NUP210L: variants seen among roughly 807,000 people sequenced by gnomAD.
NUP210L encodes nuclear pore membrane glycoprotein 210-like.
NUP210L carries 74 observed loss-of-function variants against 208.5 expected under a neutral mutation model. The observed-to-expected ratio is 0.35, with a 90% CI of 0.29 to 0.43. NUP210L has a LOEUF of 0.43. Ranked by LOEUF, NUP210L falls within the 20% of genes least tolerant of loss-of-function variation. The pLI, the probability that NUP210L is intolerant of heterozygous loss-of-function variation, is 1.00. For synonymous variants in NUP210L, 780 were observed against 816.9 expected (o/e 0.95, Z 0.77); for missense variants, 1,843 against 2,289.4 (o/e 0.81, Z 3.98).
At chr1:154,034,845 T>C (rs200170679) in intron 27 of NUP210L, among the ~76,000 whole-genome samples, 38 of 78,018 alleles carry the variant, frequency 4.9e-4, no homozygotes, top group South Asian at 1.4e-3. Flanking sequence ...CTCTCTCTCT[T>C]TTTTTTTTTT....
chr1:154,117,652 T>G (rs1657395302), intron 12 of NUP210L, 73 bp downstream of exon 12: 1 of 1,190,966 alleles, frequency 8.4e-7, no homozygotes, highest in Admixed American at 2.4e-5. Context: ...GCTCTTTTTT[T>G]AAAGTGTGTT....
intron 13 of NUP210L, 79 bp from the exon 14 acceptor site, chr1:154,100,222 G>A: frequency 7.4e-7 from 1 of 1,342,734 alleles, no homozygotes; most frequent in African/African-American, 1.4e-5. Flanking sequence ...GGCCAAGGCA[G>A]GAAGATTGCT....
intron 2 of NUP210L, among the ~76,000 whole-genome samples, chr1:154,143,956 C>A (rs969390372): frequency 3.9e-5 from 6 of 151,986 alleles, no homozygotes; most frequent in Non-Finnish European, 5.9e-5. Context: ...CTGAGGTGGG[C>A]AGATCACAAG....
At chr1:154,012,218 A>T (rs1378333698) in intron 34 of NUP210L, 26 bp downstream of exon 34, 1 of 1,607,966 alleles carries the variant, frequency 6.2e-7, no homozygotes, top group Non-Finnish European at 8.5e-7. Context: ...AGGAACAATC[A>T]CTGAAACCAT....
At chr1:154,041,170 A>T (rs1001691436) in intron 27 of NUP210L, among the ~76,000 whole-genome samples, 1 of 151,004 alleles carries the variant, frequency 6.6e-6, no homozygotes, top group Non-Finnish European at 1.5e-5. Context: ...TCATTATGTT[A>T]TCCAGGCTGG....
intron 30 of NUP210L, among the ~76,000 whole-genome samples, chr1:154,024,896 ACAAT>A (rs1651770224): frequency 6.7e-6 from 1 of 148,826 alleles, no homozygotes; most frequent in African/African-American, 2.5e-5. Context: ...TGCTAGGAAG[ACAAT>A]CATATAAATT....
chr1:154,006,969 T>A (rs867137837), intron 35 of NUP210L, among the ~76,000 whole-genome samples: 10,032 of 107,710 alleles, frequency 0.093, 527 homozygotes, highest in Non-Finnish European at 0.12. Flanking sequence ...TATATATATT[T>A]TTTTTTTTTT....
intron 25 of NUP210L, among the ~76,000 whole-genome samples, chr1:154,052,737 G>A (rs560957729): frequency 6.6e-5 from 10 of 152,224 alleles, no homozygotes; most frequent in South Asian, 2.1e-4. Flanking sequence ...AAACCTATTC[G>A]TAAACAGAAT....
intron 16 of NUP210L, among the ~76,000 whole-genome samples, chr1:154,078,397 C>G (rs769423751): frequency 6.6e-6 from 1 of 151,892 alleles, no homozygotes; most frequent in Non-Finnish European, 1.5e-5. Context: ...GAGTTCAAGA[C>G]CAGCCTGGCC....
chr1:154,071,836 C>T (rs187356926), intron 16 of NUP210L, among the ~76,000 whole-genome samples: 2 of 151,868 alleles, frequency 1.3e-5, no homozygotes, highest in African/African-American at 4.8e-5. Flanking sequence ...CGGGATTTCA[C>T]CATGTTAGCC....
At chr1:154,125,017 C>T (rs941464060) in intron 10 of NUP210L, among the ~76,000 whole-genome samples, 1 of 151,904 alleles carries the variant, frequency 6.6e-6, no homozygotes, top group African/African-American at 2.4e-5. Context: ...ATATGAAATA[C>T]ATCATGGCTG....
intron 21 of NUP210L, 34 bp from the exon 22 acceptor site, chr1:154,058,250 G>T (rs901626745): frequency 1.2e-6 from 2 of 1,610,356 alleles, no homozygotes; most frequent in Non-Finnish European, 1.7e-6. Flanking sequence ...TTTAGCAAAG[G>T]TGTCTCATTC....
At chr1:154,037,227 G>A (rs1022740116) in intron 27 of NUP210L, among the ~76,000 whole-genome samples, 23 of 152,120 alleles carry the variant, frequency 1.5e-4, no homozygotes, top group Admixed American at 1.0e-3. Context: ...GAGTAAGTCC[G>A]AAGTTTCTTT....
intron 10 of NUP210L, among the ~76,000 whole-genome samples, chr1:154,125,644 A>G (rs1435510658): frequency 1.1e-3 from 1 of 950 alleles, no homozygotes; most frequent in African/African-American, 2.3e-3. Flanking sequence ...GAAGGAAGGA[A>G]GGAAGGAAGG....
chr1:153,997,903 T>C (rs1377311352), intron 37 of NUP210L, among the ~76,000 whole-genome samples: 1 of 151,620 alleles, frequency 6.6e-6, no homozygotes, highest in Non-Finnish European at 1.5e-5. Flanking sequence ...AGAGACGGGG[T>C]TTCACCATGT....
At chr1:154,150,540 C>G (rs888243239) in intron 2 of NUP210L, among the ~76,000 whole-genome samples, 4 of 151,806 alleles carry the variant, frequency 2.6e-5, no homozygotes, top group African/African-American at 9.7e-5. Context: ...CTAGCCTGGC[C>G]GACATGGTGA....
At chr1:154,139,446 T>C (rs538814983) in intron 5 of NUP210L, among the ~76,000 whole-genome samples, 3 of 152,324 alleles carry the variant, frequency 2.0e-5, no homozygotes, top group African/African-American at 7.2e-5. Flanking sequence ...TGACCAACTA[T>C]TGGCCCAAAT....
rs201855235 is a variant in NUP210L at position 154,143,554 on chromosome 1, C to A, written c.364G>T (p.Asp122Tyr). Reference sequence around the variant, plus strand: ...CTGTTTATCACATCAACCTTAACATCACAGCGTAGCTCATGGTCAGTCACT... The same window carrying A: ...CTGTTTATCACATCAACCTTAACATAACAGCGTAGCTCATGGTCAGTCACT... Residue 122 changes from aspartate (D) to tyrosine (Y), a missense_variant, in exon 3 of 40, where the codon GAT (aspartate) becomes TAT (tyrosine). Physicochemically the swap from Asp to Tyr is radical, Grantham distance 160. This residue lies in a region of NUP210L where 542 missense variants were observed against 606.4 expected (regional missense o/e 0.89). Transcript: ENST00000368559. 38 of 1,613,586 alleles carry A rather than the reference C, an allele frequency of 2.4e-5. No homozygotes were observed. In the South Asian group the frequency reaches 4.2e-4, roughly 18 times the overall value.
At chr1:153,996,436 AT>A (rs1388799262) in intron 37 of NUP210L, among the ~76,000 whole-genome samples, 1 of 151,670 alleles carries the variant, frequency 6.6e-6, no homozygotes, top group Non-Finnish European at 1.5e-5. Context: ...TTTTCTTTTC[AT>A]TTTTTTGAGA....
Sources: allele counts gnomAD v4.1 joint callset (sites outside exome capture counted in the v4.1 genomes callset), GRCh38; gene constraint gnomAD v4.1.1; regional missense constraint gnomAD v4.1.1; transcripts MANE v1.5; gene names NCBI Gene and HGNC (gene_info 2026-07-23, HGNC 2026-07-21).